STAC: variants seen among roughly 807,000 people sequenced by gnomAD.
STAC encodes SH3 and cysteine-rich domain-containing protein.
Under a neutral mutation model 48.8 loss-of-function variants are expected in STAC, and 43 were observed. The observed-to-expected ratio is 0.88, with a 90% confidence interval of 0.69 to 1.14. The LOEUF is 1.14. STAC is among the 50% of genes most tolerant of loss of function. STAC has a pLI of 0.00. For synonymous variants in STAC, 193 were observed against 179.5 expected (o/e 1.07, Z -0.60); for missense variants, 497 against 504.0 (o/e 0.99, Z 0.13).
chr3:36,451,192 T>A lies in STAC; in HGVS notation c.388+7552T>A, dbSNP rs185658697. Among the ~76,000 whole-genome samples the A allele has an allele frequency of 1.1e-3, 172 of 152,300 alleles. 1 individual carries two copies. The South Asian group carries it at 0.015, about 13-fold the overall frequency. On this transcript the variant is annotated intron_variant, in intron 2 of 10. Coordinates refer to ENST00000273183, the MANE Select transcript of STAC (RefSeq NM_003149.3). ...GTTCTTTCTTTTTAATAGCTTCTCA[T>A]CTTTCGGCAGATATATAATATGTTC...
rs77465841 is a variant in STAC, at chr3:36,491,060, C to T, written c.688-2091C>T. 1.7e-3 allele frequency among the ~76,000 whole-genome samples: 258 copies of T among 152,292 alleles called. 6 individuals are homozygous for T. The East Asian group carries it at 0.043, about 25-fold the overall frequency. ...ACTCTTTCCCCAAAGTCCAACCATC[C>T]TCAAAGGAAGAAAATAGAAACATTG... On this transcript the variant is annotated intron_variant, in intron 5 of 10. Transcript: ENST00000273183.
intron 1 of STAC, among the ~76,000 whole-genome samples, chr3:36,430,051 C>CATTGTTCTAGGCCAGAAG (rs1385742004): frequency 5.3e-5 from 8 of 152,256 alleles, no homozygotes; most frequent in Non-Finnish European, 1.2e-4. Context: ...TAGGCCAGAA[C>CATTGTTCTAGGCCAGAAG]ATTGTTCTAG....
At chr3:36,507,914 T>C (rs1698443518) in intron 8 of STAC, among the ~76,000 whole-genome samples, 1 of 152,184 alleles carries the variant, frequency 6.6e-6, no homozygotes, top group African/African-American at 2.4e-5. Context: ...CGTGTCTCTA[T>C]CTCCTTCAGT....
rs528352213 is a variant in STAC at position 36,502,878 on chromosome 3, A to G, written c.767-1515A>G. On this transcript the variant is annotated intron_variant, in intron 6 of 10. Coordinates refer to ENST00000273183, the MANE Select transcript of STAC (RefSeq NM_003149.3). Reference sequence around the variant, plus strand: ...TTACTTACAAACCAGAGCTCCACCAATGACTGCATATTGGCTTCCTAGGGA... The same window carrying G: ...TTACTTACAAACCAGAGCTCCACCAGTGACTGCATATTGGCTTCCTAGGGA... 8.8e-4 allele frequency among the ~76,000 whole-genome samples: 134 copies of G among 152,316 alleles called. 1 individual carries two copies. The highest frequency in any genetic ancestry group is 2.7e-3 in the African/African-American group (112 of 41,576).
chr3:36,526,672 T>C (rs1236035436), intron 8 of STAC, among the ~76,000 whole-genome samples: 4 of 152,100 alleles, frequency 2.6e-5, no homozygotes, highest in African/African-American at 7.2e-5. Context: ...TTACTACTTA[T>C]AATGAACAAT....
chr3:36,387,798 G>A (rs1699649821), intron 1 of STAC, among the ~76,000 whole-genome samples: 1 of 152,060 alleles, frequency 6.6e-6, no homozygotes, highest in African/African-American at 2.4e-5. Context: ...TATGAAGTGG[G>A]TGTGCAAATA....
chr3:36,457,293 C>A (rs542694949), intron 2 of STAC, among the ~76,000 whole-genome samples: 1 of 152,196 alleles, frequency 6.6e-6, no homozygotes, highest in Non-Finnish European at 1.5e-5. Context: ...TCTTGGACAA[C>A]TGATTTACCT....
intron 1 of STAC, among the ~76,000 whole-genome samples, chr3:36,389,045 C>A (rs1699683440): frequency 6.6e-6 from 1 of 152,134 alleles, no homozygotes; most frequent in African/African-American, 2.4e-5. Flanking sequence ...TCAGTGAAAT[C>A]TTTACAATTA....
At chr3:36,516,768 C>T (rs1299555379) in intron 8 of STAC, among the ~76,000 whole-genome samples, 1 of 152,116 alleles carries the variant, frequency 6.6e-6, no homozygotes, top group Admixed American at 6.6e-5. Flanking sequence ...TTTTCTCCTT[C>T]CTAGGAAGAC....
At chr3:36,502,125 T>G (rs1201755607) in intron 6 of STAC, among the ~76,000 whole-genome samples, 2 of 152,110 alleles carry the variant, frequency 1.3e-5, no homozygotes, top group East Asian at 3.9e-4. Flanking sequence ...AGACAGCATA[T>G]AGGATAGGAA....
At chr3:36,484,438 G>T (rs1274001612) in intron 3 of STAC, among the ~76,000 whole-genome samples, 1 of 152,124 alleles carries the variant, frequency 6.6e-6, no homozygotes, top group African/African-American at 2.4e-5. Context: ...TTCTCCAGTG[G>T]TGATTCCCAT....
At chr3:36,504,320 G>C in intron 6 of STAC, 73 bp from the exon 7 acceptor site, 1 of 1,358,402 alleles carries the variant, frequency 7.4e-7, no homozygotes, top group Non-Finnish European at 1.0e-6. Flanking sequence ...AATAAATAAA[G>C]CCATCTTTCA....
chr3:36,473,204 C>T (rs982911770), intron 2 of STAC, among the ~76,000 whole-genome samples: 2 of 152,090 alleles, frequency 1.3e-5, no homozygotes, highest in African/African-American at 4.8e-5. Context: ...CAGGAAAGAC[C>T]GGCTGCATGA....
intron 1 of STAC, among the ~76,000 whole-genome samples, chr3:36,392,908 A>G (rs760496372): frequency 4.9e-4 from 75 of 152,192 alleles, no homozygotes; most frequent in Admixed American, 4.6e-4. Flanking sequence ...CCTGTTGTAC[A>G]TAATCCTTTA....
intron 8 of STAC, among the ~76,000 whole-genome samples, chr3:36,524,087 A>T (rs969128575): frequency 6.6e-6 from 1 of 151,822 alleles, no homozygotes; most frequent in African/African-American, 2.4e-5. Flanking sequence ...TAATTTGAAT[A>T]ATTTTCACAG....
chr3:36,519,590 A>C lies in STAC; in HGVS notation c.921-9106A>C, dbSNP rs79303376. On this transcript the variant is annotated intron_variant, in intron 8 of 10. Coordinates refer to ENST00000273183, the MANE Select transcript of STAC (RefSeq NM_003149.3). ...CCCTTTTTGGCCCCTCACATCACTT[A>C]TTTTAAGTGCATTAGGTTTGTTAAG... Among the ~76,000 whole-genome samples the C allele has an allele frequency of 4.5e-3, 686 of 152,298 alleles. 1 individual carries two copies. The highest frequency in any genetic ancestry group is 0.024 in the Middle Eastern group (7 of 294).
intron 1 of STAC, among the ~76,000 whole-genome samples, chr3:36,435,638 T>C (rs1375101294): frequency 2.0e-5 from 3 of 152,160 alleles, no homozygotes; most frequent in Non-Finnish European, 4.4e-5. Context: ...CTCTGCTCAC[T>C]TTTCTTCCAG....
chr3:36,466,822 T>C (rs185109112), intron 2 of STAC, among the ~76,000 whole-genome samples: 1 of 152,228 alleles, frequency 6.6e-6, no homozygotes, highest in Non-Finnish European at 1.5e-5. Context: ...TTTTTACTGA[T>C]TTGGATGCCC....
chr3:36,400,550 C>T (rs1699980331), intron 1 of STAC, among the ~76,000 whole-genome samples: 1 of 152,150 alleles, frequency 6.6e-6, no homozygotes, highest in Admixed American at 6.5e-5. Context: ...TCTATAATGA[C>T]CTTCAAGAAT....
Sources: gnomAD v4.1 joint callset for allele counts (sites outside exome capture counted in the v4.1 genomes callset) on GRCh38, gnomAD v4.1.1 for gene constraint, MANE v1.5 for transcripts, NCBI Gene and HGNC (gene_info 2026-07-23, HGNC 2026-07-21) for gene names.